Variants in FARP1 observed in about 807,000 individuals in gnomAD.
The protein encoded by FARP1 is FERM, ARH/RhoGEF and pleckstrin domain protein 1, also known as FERM, ARHGEF and pleckstrin domain-containing protein 1.
Under a neutral mutation model 128.8 loss-of-function variants are expected in FARP1, and 52 were observed. That is an observed-to-expected ratio of 0.40 (90% CI 0.32 to 0.51). FARP1 has a LOEUF of 0.51. Among genes scored for constraint, FARP1 ranks in the 20% least tolerant of loss-of-function variants. FARP1 has a pLI of 0.45. For synonymous variants in FARP1, 580 were observed against 551.8 expected, an observed-to-expected ratio of 1.05 and a Z score of -0.72; for missense variants, 1,333 against 1,367.9, an observed-to-expected ratio of 0.97 and a Z score of 0.40.
chr13:98,368,005 A>C (rs1335687027), intron 4 of FARP1, 112 bp from the exon 5 acceptor site: 3 of 778,506 alleles, frequency 3.9e-6, no homozygotes, highest in Non-Finnish European at 6.3e-6. Flanking sequence ...GCAGATGTGC[A>C]CTTGGCAGCT....
intron 18 of FARP1, 181 bp downstream of exon 18, chr13:98,431,461 A>ATT (rs34662991): frequency 0.016 from 5,504 of 338,428 alleles, 17 homozygotes; most frequent in African/African-American, 0.02. Context: ...TTACATCTTG[A>ATT]TTTTTTTTTT....
intron 13 of FARP1, chr13:98,396,290 C>T (rs1482711715): frequency 2.5e-6 from 1 of 399,138 alleles, no homozygotes; most frequent in Admixed American, 4.4e-5. Flanking sequence ...CTGCAAGTGA[C>T]CGAGGGCTCC....
intron 2 of FARP1, among the ~76,000 whole-genome samples, chr13:98,239,842 C>T (rs1392435671): frequency 3.3e-5 from 5 of 152,118 alleles, no homozygotes; most frequent in African/African-American, 1.2e-4. Context: ...GCTGGTGGGG[C>T]TGCTGGTCCA....
intron 2 of FARP1, among the ~76,000 whole-genome samples, chr13:98,292,718 C>G (rs1885506674): frequency 6.6e-6 from 1 of 152,106 alleles, no homozygotes; most frequent in African/African-American, 2.4e-5. Context: ...TCATACATGT[C>G]ACTCATTGTT....
chr13:98,340,080 GTT>G (rs35285197), intron 2 of FARP1, among the ~76,000 whole-genome samples: 223 of 146,858 alleles, frequency 1.5e-3, no homozygotes, highest in African/African-American at 5.2e-3. Context: ...CTGTATATTA[GTT>G]TTTTTTTTTT....
chr13:98,447,844 C>CAAA (rs60019968), intron 26 of FARP1: 3 of 184,366 alleles, frequency 1.6e-5, no homozygotes, highest in Admixed American at 1.2e-4. Flanking sequence ...GACCCTGTCT[C>CAAA]AAAAAAAAAA....
At chr13:98,333,642 C>G (rs75465101) in intron 2 of FARP1, 1 of 152,236 alleles carries the variant, frequency 6.6e-6, no homozygotes, top group Non-Finnish European at 1.5e-5. Flanking sequence ...GTGTGTTTAA[C>G]GAGGGTTCTG....
intron 16 of FARP1, among the ~76,000 whole-genome samples, chr13:98,418,123 A>ATC (rs1891456804): frequency 6.6e-6 from 1 of 152,216 alleles, no homozygotes; most frequent in Non-Finnish European, 1.5e-5. Flanking sequence ...GATCATAGAT[A>ATC]ACTTCAGCCT....
At chr13:98,213,058 G>A (rs990007639) in intron 1 of FARP1, among the ~76,000 whole-genome samples, 162 bp from the exon 2 acceptor site, 12 of 152,176 alleles carry the variant, frequency 7.9e-5, no homozygotes, top group African/African-American at 2.9e-4. Context: ...CATGCCTTGA[G>A]TGCTTAAAGG....
chr13:98,261,391 A>G (rs1275798570), intron 2 of FARP1, among the ~76,000 whole-genome samples: 1 of 151,762 alleles, frequency 6.6e-6, no homozygotes, highest in Non-Finnish European at 1.5e-5. Flanking sequence ...GTGTCCGTTC[A>G]CCTTGACCTC....
intron 2 of FARP1, among the ~76,000 whole-genome samples, chr13:98,235,155 T>G (rs1484961361): frequency 1.3e-5 from 2 of 152,176 alleles, no homozygotes; most frequent in African/African-American, 4.8e-5. Context: ...GCTTCTTTGA[T>G]GGCTGTGGTG....
chr13:98,354,346 T>G (rs1487766407), intron 3 of FARP1, among the ~76,000 whole-genome samples: 3 of 152,196 alleles, frequency 2.0e-5, no homozygotes, highest in African/African-American at 7.2e-5. Context: ...CAGATTAGTG[T>G]TGTCAAAAAG....
At chr13:98,291,956 A>G (rs558054149) in intron 2 of FARP1, among the ~76,000 whole-genome samples, 1 of 152,342 alleles carries the variant, frequency 6.6e-6, no homozygotes, top group African/African-American at 2.4e-5. Flanking sequence ...TGGGGAAACA[A>G]TAGCTTCTGT....
chr13:98,259,747 G>T lies in FARP1; in HGVS notation c.171+46334G>T, dbSNP rs376390788. ...TGCATGCTTGAGAGAAAGAGAAGGG[G>T]ACAGAGGTTGTTGGAGTAAGTCAGG... On this transcript the variant is annotated intron_variant, in intron 2 of 26. Coordinates refer to ENST00000319562, the MANE Select transcript of FARP1 (RefSeq NM_005766.4). Among the ~76,000 whole-genome samples, 31 of 152,082 alleles carry T rather than the reference G, an allele frequency of 2.0e-4. 1 individual carries two copies. The highest frequency in any genetic ancestry group is 1.3e-3 in the Admixed American group (20 of 15,248).
chr13:98,321,011 C>T (rs1191675529), intron 2 of FARP1, among the ~76,000 whole-genome samples: 1 of 152,148 alleles, frequency 6.6e-6, no homozygotes, highest in African/African-American at 2.4e-5. Context: ...GACTCACGAA[C>T]TGGGAGTCTT....
chr13:98,394,496 T>TA (rs1383855444), intron 12 of FARP1, among the ~76,000 whole-genome samples: 1 of 152,186 alleles, frequency 6.6e-6, no homozygotes, highest in Non-Finnish European at 1.5e-5. Context: ...TCTTGTTCCG[T>TA]AGAAGCTTTA....
At chr13:98,440,605 G>A in intron 23 of FARP1, 65 bp from the exon 24 acceptor site, 1 of 1,521,998 alleles carries the variant, frequency 6.6e-7, no homozygotes, top group South Asian at 1.2e-5. Flanking sequence ...CAGCACCTCA[G>A]AGTGTATCAG....
chr13:98,161,731 TTC>T (rs984867810), intron 1 of FARP1, among the ~76,000 whole-genome samples: 1 of 152,068 alleles, frequency 6.6e-6, no homozygotes, highest in Non-Finnish European at 1.5e-5. Flanking sequence ...GTCTCTCTTT[TTC>T]TCTCTTTCTT....
chr13:98,345,328 G>A (rs1316117171), intron 3 of FARP1, among the ~76,000 whole-genome samples: 5 of 152,018 alleles, frequency 3.3e-5, no homozygotes, highest in East Asian at 3.9e-4. Context: ...AGCTGAGGGC[G>A]CTAAGATTCT....
Sources: gnomAD v4.1 joint callset for allele counts (sites outside exome capture counted in the v4.1 genomes callset) on GRCh38, gnomAD v4.1.1 for gene constraint, MANE v1.5 for transcripts, NCBI Gene and HGNC (gene_info 2026-07-23, HGNC 2026-07-21) for gene names.